The following COLEC10 variants were observed in gnomAD, a reference collection of about 807,000 sequenced individuals.
COLEC10 encodes collectin-10.
COLEC10 carries 22 observed loss-of-function variants against 28.4 expected under a neutral mutation model. That is an observed-to-expected ratio of 0.78 (90% CI 0.55 to 1.11). COLEC10 has a LOEUF of 1.11. Among genes scored for constraint, COLEC10 ranks in the 50% least tolerant of loss-of-function variants. The pLI is 0.00. For missense variants in COLEC10, 361 were observed against 344.1 expected (o/e 1.05, Z -0.39); for synonymous variants, 125 against 116.1 (o/e 1.08, Z -0.49).
chr8:118,999,092 G>C (rs7010043), intron 1 of COLEC10, among the ~76,000 whole-genome samples: 2 of 151,894 alleles, frequency 1.3e-5, no homozygotes, highest in South Asian at 2.1e-4. Context: ...CACAGTATGA[G>C]ATATGCAAGG....
intron 4 of COLEC10, among the ~76,000 whole-genome samples, chr8:119,103,418 A>G (rs1370090165): frequency 2.0e-5 from 3 of 152,198 alleles, no homozygotes; most frequent in African/African-American, 7.2e-5. Context: ...ACACAAGAGA[A>G]CACTGGCAGG....
At chr8:119,019,000 A>G (rs777040312) in intron 2 of COLEC10, among the ~76,000 whole-genome samples, 2 of 152,124 alleles carry the variant, frequency 1.3e-5, no homozygotes, top group Non-Finnish European at 2.9e-5. Flanking sequence ...ATTTTGTTTG[A>G]AAAAGCTATA....
chr8:119,088,327 T>C (rs1815523898), intron 1 of COLEC10, among the ~76,000 whole-genome samples: 1 of 152,166 alleles, frequency 6.6e-6, no homozygotes, highest in African/African-American at 2.4e-5. Flanking sequence ...ACCTGTGCAT[T>C]CTTTTCTGAA....
chr8:119,046,091 G>C (rs1563726679), intron 2 of COLEC10, among the ~76,000 whole-genome samples: 2 of 152,146 alleles, frequency 1.3e-5, no homozygotes, highest in South Asian at 2.1e-4. Flanking sequence ...AGTTTGTTTT[G>C]ATAGGACAGA....
At chr8:119,038,544 A>G (rs1391101539) in intron 2 of COLEC10, among the ~76,000 whole-genome samples, 4 of 152,214 alleles carry the variant, frequency 2.6e-5, no homozygotes, top group African/African-American at 7.2e-5. Context: ...CAAACACACT[A>G]AAAAAGCAAC....
the COLEC10 span, among the ~76,000 whole-genome samples, chr8:118,960,242 C>G: frequency 2.7e-3 from 410 of 152,080 alleles, no homozygotes; most frequent in Non-Finnish European, 4.7e-3. Flanking sequence ...GGACCTAGTC[C>G]CAGTGCTAAA....
chr8:119,038,812 A>G lies in COLEC10; in HGVS notation n.235+29259A>G, dbSNP rs187586395. Among the ~76,000 whole-genome samples, 12 of 152,042 alleles carry G rather than the reference A, an allele frequency of 7.9e-5. No individual in the cohort carries two copies. The East Asian group carries it at 2.3e-3, about 30-fold the overall frequency. ...CCCGTGGATGGTAGAGCAGTTTCCC[A>G]CCTTCATCAGACTCTGCCTAGTCTT... On this transcript the variant is annotated intron_variant and non_coding_transcript_variant, in intron 2 of 6. Coordinates refer to the COLEC10 transcript ENST00000521788.
At chr8:118,963,836 T>A in the COLEC10 span, among the ~76,000 whole-genome samples, 6 of 152,262 alleles carry the variant, frequency 3.9e-5, no homozygotes, top group Middle Eastern at 3.4e-3. Flanking sequence ...TTGAACAAAT[T>A]AATAACTGGA....
chr8:118,960,192 T>C, the COLEC10 span, among the ~76,000 whole-genome samples: 3 of 152,058 alleles, frequency 2.0e-5, no homozygotes, highest in African/African-American at 7.2e-5. Flanking sequence ...ATAGCATGTG[T>C]GACTCCAGCA....
chr8:119,056,140 G>T (rs1465676397), intron 2 of COLEC10, among the ~76,000 whole-genome samples: 2 of 151,940 alleles, frequency 1.3e-5, no homozygotes, highest in Non-Finnish European at 2.9e-5. Context: ...AATAGATCTT[G>T]TCACTTCCAC....
intron 2 of COLEC10, among the ~76,000 whole-genome samples, chr8:119,039,604 T>C (rs1814456678): frequency 6.6e-6 from 1 of 152,178 alleles, no homozygotes; most frequent in Non-Finnish European, 1.5e-5. Context: ...TACCATATAA[T>C]GGCAACAATT....
At chr8:118,986,903 A>G in the COLEC10 span, among the ~76,000 whole-genome samples, 2 of 152,288 alleles carry the variant, frequency 1.3e-5, no homozygotes, top group African/African-American at 4.8e-5. Context: ...ATGGGGACAG[A>G]TGTTTTAATG....
At chr8:118,956,530 T>C in the COLEC10 span, among the ~76,000 whole-genome samples, 3 of 152,166 alleles carry the variant, frequency 2.0e-5, no homozygotes, top group Admixed American at 2.0e-4. Context: ...ATACAACCTC[T>C]TGCTTATAAA....
At chr8:119,043,097 A>G (rs1814526639) in intron 2 of COLEC10, among the ~76,000 whole-genome samples, 1 of 152,244 alleles carries the variant, frequency 6.6e-6, no homozygotes, top group South Asian at 2.1e-4. Context: ...TGTGCCTGTG[A>G]CACATGCAGA....
At chr8:119,068,889 C>G (rs1563733213) in intron 1 of COLEC10, 1 of 151,658 alleles carries the variant, frequency 6.6e-6, no homozygotes, top group African/African-American at 2.4e-5. Flanking sequence ...TCATCCAGAG[C>G]CTGGAAACTG....
intron 2 of COLEC10, among the ~76,000 whole-genome samples, chr8:119,023,869 C>T (rs1292158149): frequency 1.3e-5 from 2 of 151,880 alleles, no homozygotes; most frequent in African/African-American, 4.8e-5. Flanking sequence ...GGTGCAAAAG[C>T]ACGTGTTTTG....
intron 2 of COLEC10, among the ~76,000 whole-genome samples, chr8:119,043,303 A>C (rs1009134361): frequency 6.6e-6 from 1 of 152,184 alleles, no homozygotes; most frequent in Non-Finnish European, 1.5e-5. Context: ...AAGACACATA[A>C]AACATTGCAA....
intron 2 of COLEC10, among the ~76,000 whole-genome samples, chr8:119,053,231 G>T (rs1814705723): frequency 6.6e-6 from 1 of 152,078 alleles, no homozygotes; most frequent in Admixed American, 6.6e-5. Flanking sequence ...GGTGAGAGCA[G>T]GTTGGAGAGG....
chr8:118,979,347 C>G, the COLEC10 span, among the ~76,000 whole-genome samples: 2 of 151,806 alleles, frequency 1.3e-5, 1 homozygote, highest in Non-Finnish European at 2.9e-5. Context: ...ATTATTTTAA[C>G]TTTATTACGT....
Sources: gnomAD v4.1 joint callset for allele counts (sites outside exome capture counted in the v4.1 genomes callset) on GRCh38, gnomAD v4.1.1 for gene constraint, MANE v1.5 for transcripts, NCBI Gene and HGNC (gene_info 2026-07-23, HGNC 2026-07-21) for gene names.